FRAS1: variants seen among roughly 807,000 people sequenced by gnomAD.
FRAS1 encodes the protein extracellular matrix organizing protein FRAS1.
FRAS1 carries 290 observed loss-of-function variants against 435.2 expected under a neutral mutation model. The observed-to-expected ratio is 0.67, with a 90% confidence interval of 0.61 to 0.73. FRAS1 has a LOEUF of 0.73. Ranked by LOEUF, FRAS1 falls within the 30% of genes least tolerant of loss-of-function variation. The probability of loss-of-function intolerance (pLI) is 0.00; values close to 1 mark genes in which losing one functional copy is unlikely to be tolerated. For missense variants in FRAS1, 4,860 were observed against 5,001.5 expected, an observed-to-expected ratio of 0.97 and a Z score of 0.85; for synonymous variants, 1,800 against 1,851.0, an observed-to-expected ratio of 0.97 and a Z score of 0.71.
rs185303235 is a variant in FRAS1, at chr4:78,354,935, A to G, written c.2423-8578A>G. 7.0e-4 allele frequency among the ~76,000 whole-genome samples: 107 copies of G among 152,308 alleles called. 1 individual carries two copies. Among genetic ancestry groups the G allele is most frequent in the African/African-American group, 2.5e-3 (103 of 41,570 alleles). On this transcript the variant is annotated intron_variant, in intron 20 of 73. Transcript: ENST00000512123. ...GCTTCCATCCGTCATGATTGTGGGT[A>G]ATCCTCACTGATCCTTGAAGCAGAG...
intron 70 of FRAS1, among the ~76,000 whole-genome samples, chr4:78,530,033 T>C (rs1721661925): frequency 2.0e-5 from 3 of 152,150 alleles, no homozygotes; most frequent in Admixed American, 2.0e-4. Flanking sequence ...GTTGATTCAT[T>C]TGTGTTGATT....
intron 47 of FRAS1, among the ~76,000 whole-genome samples, chr4:78,454,307 G>A (rs1316457825): frequency 6.6e-6 from 1 of 152,212 alleles, no homozygotes; most frequent in Non-Finnish European, 1.5e-5. Context: ...GAATGAAGGG[G>A]AGACTTGGAA....
At chr4:78,490,349 A>G (rs2109866517) in intron 59 of FRAS1, among the ~76,000 whole-genome samples, 1 of 152,348 alleles carries the variant, frequency 6.6e-6, no homozygotes, top group South Asian at 2.1e-4. Flanking sequence ...TCAACAGAAT[A>G]TACATTCTTC....
At chr4:78,499,617 T>C (rs1380514808) in intron 60 of FRAS1, 104 bp from the exon 61 acceptor site, 6 of 1,091,512 alleles carry the variant, frequency 5.5e-6, no homozygotes, top group Non-Finnish European at 8.0e-6. Context: ...TACTGTTAAC[T>C]AATGTGAACA....
At chr4:78,222,751 T>C (rs1724110218) in intron 2 of FRAS1, among the ~76,000 whole-genome samples, 2 of 152,320 alleles carry the variant, frequency 1.3e-5, no homozygotes, top group South Asian at 4.1e-4. Flanking sequence ...CATCTTATCA[T>C]TGTTCTCAAA....
In FRAS1 at chr4:78,466,251, G is replaced by A. The variant is rs754762561; in HGVS notation, c.7073G>A (p.Gly2358Asp). 1 of 1,613,772 alleles carries A rather than the reference G, an allele frequency of 6.2e-7. No individual in the cohort carries two copies. The highest frequency in any genetic ancestry group is 8.5e-7 in the Non-Finnish European group (1 of 1,179,870). ...TFTIVQPPRHGTIERTSNGQH... is the reference protein window; with the variant it reads ...TFTIVQPPRHDTIERTSNGQH... ...ACCATCGTGCAGCCTCCACGCCATG[G>A]CACCATCGAGCGAACCAGCAATGGG... is the stretch of plus-strand genomic sequence containing the variant. The change falls in exon 50 of 74, where the codon GGC becomes GAC. Residue 2358 changes from glycine (G) to aspartate (D), a missense_variant. Transcript: ENST00000512123.
chr4:78,534,678 T>C (rs1721826414), intron 71 of FRAS1, 63 bp downstream of exon 71: 4 of 1,501,182 alleles, frequency 2.7e-6, no homozygotes, highest in Non-Finnish European at 2.7e-6. Context: ...TTTTGCTAAG[T>C]CACCGGACTG....
intron 2 of FRAS1, among the ~76,000 whole-genome samples, chr4:78,090,611 A>T (rs958563819): frequency 1.3e-5 from 2 of 152,024 alleles, no homozygotes; most frequent in African/African-American, 4.8e-5. Flanking sequence ...CAAACCATTA[A>T]CTCATCTGTG....
chr4:78,218,106 A>T lies in FRAS1; in HGVS notation c.109-19404A>T, dbSNP rs1396998713. 4.4e-5 allele frequency among the ~76,000 whole-genome samples: 5 copies of T among 114,700 alleles called. 1 individual carries two copies. Among genetic ancestry groups the T allele is most frequent in the African/African-American group, 1.7e-4 (5 of 28,922 alleles). The allele number at this position is 114,700 out of a possible 152,430, so 75.2% of individuals were successfully genotyped here. A position where few individuals can be genotyped will look rare whatever the true frequency, so the allele number is the denominator to read the frequency against. On this transcript the variant is annotated intron_variant, in intron 2 of 73. Transcript: ENST00000512123. ...CTCTCTCTCACTCTCTCTCACACACACACACACACACACACACACACACAC... is the reference window on the plus strand; with the variant it reads ...CTCTCTCTCACTCTCTCTCACACACTCACACACACACACACACACACACAC...
At position 78,519,630 on chromosome 4, in the gene FRAS1, G is replaced by T. The variant is rs1721326787; in HGVS notation, c.10540+149G>T. 2.1e-5 allele frequency: 19 copies of T among 902,616 alleles called. No individual in the cohort carries two copies. In the East Asian group the frequency reaches 4.3e-4, roughly 20 times the overall value. The allele number at this position is 902,616 out of a possible 1,614,324, so 55.9% of individuals were successfully genotyped here. On this transcript the variant is annotated intron_variant, in intron 67 of 73. Transcript: ENST00000512123. ...GGCCACCTCAAAGTGCAGATCTGTGGTTCCTGAAAAGAATGATGTCCTTCT... is the reference window on the plus strand; with the variant it reads ...GGCCACCTCAAAGTGCAGATCTGTGTTTCCTGAAAAGAATGATGTCCTTCT...
At chr4:78,439,125 G>A in intron 40 of FRAS1, 61 bp downstream of exon 40, 1 of 1,395,246 alleles carries the variant, frequency 7.2e-7, no homozygotes, top group Non-Finnish European at 9.8e-7. Context: ...CCGTAGTAAT[G>A]TAAATGAAGG....
chr4:78,175,357 GCA>G (rs1721723303), intron 2 of FRAS1, among the ~76,000 whole-genome samples: 1 of 152,154 alleles, frequency 6.6e-6, no homozygotes, highest in African/African-American at 2.4e-5. Flanking sequence ...TCTCTGGGTG[GCA>G]ACATCTCCCA....
At chr4:78,285,016 A>C (rs2110184962) in intron 13 of FRAS1, among the ~76,000 whole-genome samples, 1 of 152,298 alleles carries the variant, frequency 6.6e-6, no homozygotes, top group East Asian at 1.9e-4. Context: ...CTTGCTCAAT[A>C]TCAAACAGAT....
chr4:78,074,197 T>G (rs924087199), intron 2 of FRAS1, among the ~76,000 whole-genome samples: 4 of 152,030 alleles, frequency 2.6e-5, no homozygotes, highest in African/African-American at 9.7e-5. Context: ...GTGTCTGCAT[T>G]AGAGAGCAGA....
chr4:78,423,002 C>T (rs1300593071), intron 34 of FRAS1, among the ~76,000 whole-genome samples: 1 of 152,004 alleles, frequency 6.6e-6, no homozygotes, highest in Non-Finnish European at 1.5e-5. Context: ...CAGTGTGTGC[C>T]CTTCCACAAA....
At chr4:78,389,933 T>C (rs1346667714) in intron 29 of FRAS1, among the ~76,000 whole-genome samples, 1 of 152,208 alleles carries the variant, frequency 6.6e-6, no homozygotes, top group Non-Finnish European at 1.5e-5. Flanking sequence ...ATTTTCTATG[T>C]CTGTCTGTGA....
At chr4:78,333,838 T>C (rs969383562) in intron 19 of FRAS1, among the ~76,000 whole-genome samples, 4 of 152,180 alleles carry the variant, frequency 2.6e-5, no homozygotes, top group Admixed American at 6.5e-5. Flanking sequence ...GTTCTGCTGT[T>C]GCCAAGCTGG....
chr4:78,457,539 G>A (rs552782015), intron 47 of FRAS1, among the ~76,000 whole-genome samples: 4 of 152,242 alleles, frequency 2.6e-5, no homozygotes, highest in East Asian at 1.9e-4. Context: ...CCATTCTCAG[G>A]ATCCTATCTT....
At chr4:78,492,518 CAAACCTGACA>C (rs1487238883) in intron 59 of FRAS1, among the ~76,000 whole-genome samples, 2 of 152,116 alleles carry the variant, frequency 1.3e-5, no homozygotes, top group Non-Finnish European at 1.5e-5. Flanking sequence ...GATTTTTTGA[CAAACCTGACA>C]AAAATAAGCA....
Sources: gnomAD v4.1 joint callset for allele counts (sites outside exome capture counted in the v4.1 genomes callset) on GRCh38, gnomAD v4.1.1 for gene constraint, MANE v1.5 for transcripts, NCBI Gene and HGNC (gene_info 2026-07-23, HGNC 2026-07-21) for gene names.